Variants in FGF14 observed in about 807,000 individuals in gnomAD.
FGF14 encodes the protein fibroblast growth factor homologous factor 4.
FGF14 carries 5 observed loss-of-function variants against 25.5 expected under a neutral mutation model. The observed-to-expected ratio is 0.20, with a 90% confidence interval of 0.10 to 0.41. The LOEUF (loss-of-function observed/expected upper bound fraction) is 0.41. FGF14 is among the 10% of genes least tolerant of loss of function. The pLI is 1.00. For synonymous variants in FGF14, 138 were observed against 118.3 expected, an observed-to-expected ratio of 1.17 and a Z score of -1.08; for missense variants, 222 against 320.1, an observed-to-expected ratio of 0.69 and a Z score of 2.34.
intron 1 of FGF14, among the ~76,000 whole-genome samples, chr13:102,091,743 T>C (rs1043334583): frequency 2.8e-4 from 42 of 152,034 alleles, no homozygotes; most frequent in African/African-American, 9.7e-4. Flanking sequence ...ATTCTGGGGG[T>C]GGGAAGCAGC....
rs1312178972 is a variant in FGF14 at position 102,231,636 on chromosome 13, C to T, written c.208+169835G>A. Among the ~76,000 whole-genome samples, 4 of 152,162 alleles carry T rather than the reference C, an allele frequency of 2.6e-5. No individual in the cohort carries two copies. In the East Asian group the frequency reaches 7.7e-4, roughly 29 times the overall value. The stretch of plus-strand genomic sequence containing the variant: ...CAAATATAGCATATGTTATGTCCTC[C>T]CTCCTGTGACCTGTCCAATGGCTAT... On this transcript the variant is annotated intron_variant, in intron 1 of 4. Coordinates refer to the FGF14 transcript ENST00000376131.
intron 3 of FGF14, among the ~76,000 whole-genome samples, chr13:101,788,517 T>G (rs532378789): frequency 6.6e-6 from 1 of 152,100 alleles, no homozygotes; most frequent in Non-Finnish European, 1.5e-5. Context: ...GAATGCTGGA[T>G]TAATTTATTA....
At chr13:101,816,656 C>T (rs1031751880) in intron 3 of FGF14, among the ~76,000 whole-genome samples, 1 of 152,038 alleles carries the variant, frequency 6.6e-6, no homozygotes, top group East Asian at 1.9e-4. Flanking sequence ...AAAAAATATG[C>T]TATTCTAAAT....
intron 1 of FGF14, among the ~76,000 whole-genome samples, chr13:101,895,408 T>C (rs2030488123): frequency 6.6e-6 from 1 of 152,174 alleles, no homozygotes; most frequent in African/African-American, 2.4e-5. Context: ...CTTTATGTAT[T>C]TCATCTCCAT....
intron 1 of FGF14, among the ~76,000 whole-genome samples, chr13:102,370,227 A>T (rs2057837357): frequency 6.6e-6 from 1 of 152,196 alleles, no homozygotes; most frequent in Admixed American, 6.5e-5. Flanking sequence ...TCCTGGCCTC[A>T]AGTGATCCCT....
chr13:102,292,608 A>C (rs1414391967), intron 1 of FGF14: 1 of 152,202 alleles, frequency 6.6e-6, no homozygotes, highest in African/African-American at 2.4e-5. Context: ...TGCAATTCCC[A>C]AGTCGAAAGT....
At chr13:102,043,196 T>C (rs1451523466) in intron 1 of FGF14, among the ~76,000 whole-genome samples, 3 of 152,106 alleles carry the variant, frequency 2.0e-5, no homozygotes, top group South Asian at 4.1e-4. Flanking sequence ...TGCAGGAAAA[T>C]AGTGTTGATA....
chr13:101,928,156 G>A (rs553241435), intron 1 of FGF14, among the ~76,000 whole-genome samples: 1 of 152,320 alleles, frequency 6.6e-6, no homozygotes, highest in South Asian at 2.1e-4. Flanking sequence ...GAAGTGGAAG[G>A]TCTGCTGCCC....
At chr13:102,254,814 T>C (rs2052360388) in intron 1 of FGF14, among the ~76,000 whole-genome samples, 1 of 152,172 alleles carries the variant, frequency 6.6e-6, no homozygotes, top group Non-Finnish European at 1.5e-5. Context: ...TGGCTCCCAG[T>C]TGGGAACCAC....
At chr13:102,388,106 C>T (rs1299154745) in intron 1 of FGF14, among the ~76,000 whole-genome samples, 1 of 152,082 alleles carries the variant, frequency 6.6e-6, no homozygotes, top group Non-Finnish European at 1.5e-5. Flanking sequence ...GTCTGTTGTT[C>T]CCTTCTTTGT....
chr13:101,875,914 T>C (rs1259199613), intron 1 of FGF14, among the ~76,000 whole-genome samples: 2 of 152,134 alleles, frequency 1.3e-5, no homozygotes, highest in African/African-American at 4.8e-5. Flanking sequence ...CGGAAAACTC[T>C]ACTTGTGAGC....
intron 1 of FGF14, among the ~76,000 whole-genome samples, chr13:101,896,753 A>G (rs2030743758): frequency 6.6e-6 from 1 of 152,168 alleles, no homozygotes; most frequent in Non-Finnish European, 1.5e-5. Flanking sequence ...TTTATCTACA[A>G]TGATGCAATG....
chr13:102,320,716 C>T (rs2056212517), intron 1 of FGF14, among the ~76,000 whole-genome samples: 1 of 152,152 alleles, frequency 6.6e-6, no homozygotes, highest in Admixed American at 6.5e-5. Context: ...TATAGCTGAG[C>T]AGCATCTATC....
At chr13:102,091,036 C>A (rs369771847) in intron 1 of FGF14, among the ~76,000 whole-genome samples, 48 of 152,248 alleles carry the variant, frequency 3.2e-4, no homozygotes, top group African/African-American at 1.1e-3. Context: ...TAAGAATAAT[C>A]TTAAATCAAT....
At chr13:101,773,153 C>T (rs1375170079) in intron 3 of FGF14, among the ~76,000 whole-genome samples, 1 of 152,074 alleles carries the variant, frequency 6.6e-6, no homozygotes, top group Non-Finnish European at 1.5e-5. Context: ...ACATATTCTG[C>T]ATTTTCTTCT....
rs527266714 is a variant in FGF14 at position 101,876,098 on chromosome 13, G to A, written c.194-802C>T. On this transcript the variant is annotated intron_variant, in intron 1 of 4. Coordinates refer to ENST00000376143, the MANE Select transcript of FGF14 (RefSeq NM_004115.4). Reference sequence around the variant, plus strand: ...AACGGGCATTGAGATAGAGGGCAGTGGAAGTTTATTTAAACAAAAAGGGAA... The same window carrying A: ...AACGGGCATTGAGATAGAGGGCAGTAGAAGTTTATTTAAACAAAAAGGGAA... Among the ~76,000 whole-genome samples the A allele has an allele frequency of 9.1e-4, 139 of 152,264 alleles. 1 individual carries two copies. The highest frequency in any genetic ancestry group is 3.3e-3 in the African/African-American group (136 of 41,570).
At chr13:101,817,509 A>G (rs1018593551) in intron 3 of FGF14, among the ~76,000 whole-genome samples, 3 of 152,228 alleles carry the variant, frequency 2.0e-5, no homozygotes, top group Admixed American at 6.5e-5. Context: ...TTTCTGTCCA[A>G]TATACCTGCA....
At chr13:101,863,219 T>C (rs1414084124) in intron 3 of FGF14, among the ~76,000 whole-genome samples, 1 of 152,142 alleles carries the variant, frequency 6.6e-6, no homozygotes, top group African/African-American at 2.4e-5. Context: ...GAATAAAAGA[T>C]AAAGAATAAA....
intron 3 of FGF14, among the ~76,000 whole-genome samples, chr13:101,744,812 T>A (rs2036781424): frequency 6.6e-6 from 1 of 152,098 alleles, no homozygotes; most frequent in Non-Finnish European, 1.5e-5. Flanking sequence ...TGCGTGTATG[T>A]TCATTCGGTT....
Sources: gnomAD v4.1 joint callset for allele counts (sites outside exome capture counted in the v4.1 genomes callset) on GRCh38, gnomAD v4.1.1 for gene constraint, MANE v1.5 for transcripts, NCBI Gene and HGNC (gene_info 2026-07-23, HGNC 2026-07-21) for gene names.